Variants in ABCC3 observed in about 807,000 individuals in gnomAD.
ABCC3 encodes the protein ATP binding cassette subfamily C member 3.
In ABCC3, 121 loss-of-function variants were observed where a neutral mutation model predicts 165.3. The observed-to-expected ratio is 0.73, with a 90% CI of 0.63 to 0.85. The LOEUF (loss-of-function observed/expected upper bound fraction) is 0.85. Ranked by LOEUF, ABCC3 falls within the 40% of genes least tolerant of loss-of-function variation. The probability of loss-of-function intolerance (pLI) is 0.00; values close to 1 mark genes in which losing one functional copy is unlikely to be tolerated. For missense variants in ABCC3, 1,869 were observed against 1,964.1 expected (o/e 0.95, Z 0.92); for synonymous variants, 733 against 810.1 (o/e 0.90, Z 1.62).
chr17:50,678,339 C>A, intron 25 of ABCC3, 120 bp downstream of exon 25: 3 of 1,047,214 alleles, frequency 2.9e-6, no homozygotes, highest in African/African-American at 1.6e-5. Flanking sequence ...AGGGTCTGTT[C>A]TCAAGGACTG....
At chr17:50,636,369 TA>T (rs4148406) in intron 1 of ABCC3, among the ~76,000 whole-genome samples, 2,257 of 145,444 alleles carry the variant, frequency 0.016, 60 homozygotes, top group African/African-American at 0.048. Flanking sequence ...GCAATGGAGG[TA>T]AAAAAAAAAA....
chr17:50,648,724 G>T (rs1384994676), intron 1 of ABCC3, among the ~76,000 whole-genome samples: 1 of 152,076 alleles, frequency 6.6e-6, no homozygotes, highest in Non-Finnish European at 1.5e-5. Flanking sequence ...TTGCCCTGAG[G>T]AGTCCCAGAT....
intron 1 of ABCC3, 57 bp from the exon 2 acceptor site, chr17:50,655,775 G>A: frequency 6.5e-7 from 1 of 1,547,264 alleles, no homozygotes; most frequent in Non-Finnish European, 8.9e-7. Flanking sequence ...TCTTCCTCAA[G>A]GCAGCCCAAT....
chr17:50,636,709 C>T (rs1222746992), intron 1 of ABCC3, among the ~76,000 whole-genome samples: 1 of 152,222 alleles, frequency 6.6e-6, no homozygotes, highest in Non-Finnish European at 1.5e-5. Context: ...CTCCTGAACC[C>T]TGAGAGCTTA....
chr17:50,635,387 A>G (rs764736272), intron 1 of ABCC3: 1 of 675,692 alleles, frequency 1.5e-6, no homozygotes, highest in South Asian at 1.6e-5. Context: ...GCCTCAGGTT[A>G]GGACTCGGTT....
chr17:50,644,310 C>CAAAAAA (rs57937379), intron 1 of ABCC3, among the ~76,000 whole-genome samples: 723 of 51,104 alleles, frequency 0.014, 46 homozygotes, highest in African/African-American at 0.018. Context: ...GACTCCGTCT[C>CAAAAAA]AAAAAAAAAA....
chr17:50,677,939 A>G lies in ABCC3; in HGVS notation c.3574A>G (p.Asn1192Asp), dbSNP rs757832571. 2.5e-6 allele frequency: 4 copies of G among 1,613,898 alleles called. No individual in the cohort carries two copies. The African/African-American group carries it at 5.3e-5, about 22-fold the overall frequency. The change falls in exon 24 of 31, where the codon AAC (asparagine) becomes GAC (aspartate). Residue 1192 changes from asparagine to aspartate, a missense_variant. Coordinates refer to ENST00000285238, the MANE Select transcript of ABCC3 (RefSeq NM_003786.4). ...QRSCYPYIISNRWLSIGVEFV... is the reference protein window; with the variant it reads ...QRSCYPYIISDRWLSIGVEFV... ...AAGCTGCTACCCCTACATCATCTCC[A>G]ACCGGTCAGAAGCCGCCTCCCTCGC... is the stretch of plus-strand genomic sequence containing the variant.
At chr17:50,660,208 G>A (rs376911748) in intron 7 of ABCC3, among the ~76,000 whole-genome samples, 25 of 152,282 alleles carry the variant, frequency 1.6e-4, no homozygotes, top group African/African-American at 5.5e-4. Context: ...TCTGGAGGCG[G>A]CGGCTGAATG....
chr17:50,675,642 C>G lies in ABCC3; in HGVS notation c.2726C>G (p.Ala909Gly). 1.3e-6 allele frequency: 2 copies of G among 1,568,278 alleles called. No individual in the cohort carries two copies. The highest frequency in any genetic ancestry group is 1.7e-6 in the Non-Finnish European group (2 of 1,156,720). The change falls in exon 21 of 31, where the codon GCC (alanine) becomes GGC (glycine). Residue 909 changes from alanine (A) to glycine (G), a missense_variant. By Grantham distance (60) the Ala-to-Gly change is moderately conservative (BLOSUM62 0). Transcript: ENST00000285238. The part of the protein sequence containing the change: ...VQKQFMRQLS[A>G]LSSDGEGQGR... ...AGCTGCCTCCACAGACAGCTGAGTG[C>G]CCTGTCCTCAGATGGGGAGGGACAG...
intron 30 of ABCC3, 44 bp downstream of exon 30, chr17:50,687,774 C>T: frequency 6.3e-7 from 1 of 1,586,428 alleles, no homozygotes; most frequent in Non-Finnish European, 8.7e-7. Flanking sequence ...GGTGGGGCCA[C>T]CTGGGGCATC....
intron 1 of ABCC3, among the ~76,000 whole-genome samples, chr17:50,642,742 A>C (rs1966915868): frequency 1.3e-5 from 2 of 151,580 alleles, no homozygotes; most frequent in East Asian, 3.9e-4. Flanking sequence ...TCCTGTGGCC[A>C]CTCCCCACCC....
chr17:50,635,024 C>A (rs984355959), intron 1 of ABCC3, 43 bp downstream of exon 1: 6 of 1,253,522 alleles, frequency 4.8e-6, no homozygotes, highest in Non-Finnish European at 5.0e-6. Context: ...GGGCCAGGGT[C>A]GGCCGGCTTC....
chr17:50,673,849 C>G (rs1431170789), intron 19 of ABCC3, among the ~76,000 whole-genome samples, 191 bp downstream of exon 19: 1 of 151,936 alleles, frequency 6.6e-6, no homozygotes, highest in African/African-American at 2.4e-5. Flanking sequence ...CTCCATCCTA[C>G]TCTACCCTAA....
chr17:50,674,068 C>T (rs1446759016), intron 19 of ABCC3: 1 of 106,626 alleles, frequency 9.4e-6, no homozygotes, highest in East Asian at 2.8e-4. Flanking sequence ...TTCTTTCTTT[C>T]TTTCTTTTTT....
At chr17:50,656,246 C>A (rs1170683542) in intron 2 of ABCC3, among the ~76,000 whole-genome samples, 1 of 152,150 alleles carries the variant, frequency 6.6e-6, no homozygotes, top group Non-Finnish European at 1.5e-5. Context: ...CCACCACACC[C>A]AGCTAATTTT....
At chr17:50,689,894 G>T (rs1238623302) in intron 30 of ABCC3, among the ~76,000 whole-genome samples, 1 of 152,190 alleles carries the variant, frequency 6.6e-6, no homozygotes, top group East Asian at 1.9e-4. Context: ...GACCTTGGAG[G>T]TTGGGAGTTC....
At chr17:50,665,004 A>G (rs774800354) in intron 10 of ABCC3, 149 bp from the exon 11 acceptor site, 5 of 654,506 alleles carry the variant, frequency 7.6e-6, no homozygotes, top group Non-Finnish European at 2.7e-6. Flanking sequence ...GGTCATTCTG[A>G]CTTTCTATCT....
chr17:50,636,205 CTT>C (rs1322699252), intron 1 of ABCC3, among the ~76,000 whole-genome samples: 2 of 152,268 alleles, frequency 1.3e-5, no homozygotes, highest in East Asian at 1.9e-4. Context: ...CATATATGCC[CTT>C]TGTGTGTGTA....
chr17:50,672,718 T>C lies in ABCC3; in HGVS notation c.2242-253T>C, dbSNP rs115947140. Among the ~76,000 whole-genome samples, 904 of 152,154 alleles carry C rather than the reference T, an allele frequency of 5.9e-3. 11 individuals carry two copies. Among genetic ancestry groups the C allele is most frequent in the African/African-American group, 0.02 (835 of 41,512 alleles). ...TGTCTCTATAAAAAATAAAACATTT[T>C]AGTCAGTAGCCAGGCATGGTGGTCC... On this transcript the variant is annotated intron_variant, in intron 17 of 30. Coordinates refer to ENST00000285238, the MANE Select transcript of ABCC3 (RefSeq NM_003786.4).
Sources: gnomAD v4.1 joint callset for allele counts (sites outside exome capture counted in the v4.1 genomes callset) on GRCh38, gnomAD v4.1.1 for gene constraint, MANE v1.5 for transcripts, NCBI Gene and HGNC (gene_info 2026-07-23, HGNC 2026-07-21) for gene names.